RBFOX1: variants seen among roughly 807,000 people sequenced by gnomAD.
The protein encoded by RBFOX1 is RNA binding protein fox-1 homolog 1.
In RBFOX1, 8 loss-of-function variants were observed where a neutral mutation model predicts 57.7. The observed-to-expected ratio is 0.14, with a 90% CI of 0.08 to 0.25. RBFOX1 has a LOEUF of 0.25. RBFOX1 is among the 10% of genes least tolerant of loss of function. RBFOX1 has a pLI of 1.00. For missense variants in RBFOX1, 611 were observed against 548.5 expected (o/e 1.11, Z -1.14); for synonymous variants, 326 against 222.4 (o/e 1.47, Z -4.15).
chr16:7,079,416 C>T (rs2058814690), intron 4 of RBFOX1, among the ~76,000 whole-genome samples: 1 of 152,178 alleles, frequency 6.6e-6, no homozygotes. Flanking sequence ...GAAAGTTCTG[C>T]CTGAGCAGAA....
At position 7,067,396 on chromosome 16, in the gene RBFOX1, C is replaced by G. The variant is rs192539938; in HGVS notation, c.27+15298C>G. Among the ~76,000 whole-genome samples the G allele has an allele frequency of 3.0e-4, 45 of 150,952 alleles. No homozygotes were observed. The East Asian group carries it at 8.0e-3, about 27-fold the overall frequency. ...CAACAAGAATCTCACTGAAGTAAAA[C>G]TGAAATGTCGCCAAGGCTGTGTTTC... is the stretch of plus-strand genomic sequence containing the variant. On this transcript the variant is annotated intron_variant, in intron 4 of 15. Coordinates refer to ENST00000550418, the MANE Select transcript of RBFOX1 (RefSeq NM_018723.4).
At chr16:6,983,173 C>T (rs1374385146) in intron 3 of RBFOX1, among the ~76,000 whole-genome samples, 1 of 152,022 alleles carries the variant, frequency 6.6e-6, no homozygotes, top group Admixed American at 6.6e-5. Context: ...GCACACCAAG[C>T]CTCTACCCTT....
intron 12 of RBFOX1, among the ~76,000 whole-genome samples, chr16:7,654,201 T>G (rs3785222): frequency 1.3e-5 from 2 of 152,128 alleles, no homozygotes; most frequent in East Asian, 1.9e-4. Context: ...TAAATTCTCT[T>G]TGAGACTGAA....
At chr16:6,880,687 G>C (rs1283570581) in intron 3 of RBFOX1, among the ~76,000 whole-genome samples, 1 of 152,182 alleles carries the variant, frequency 6.6e-6, no homozygotes, top group Non-Finnish European at 1.5e-5. Flanking sequence ...AGAGCACTGA[G>C]CTGTATGATG....
rs183726475 is a variant in RBFOX1, at chr16:7,074,606, T to C, written c.27+22508T>C. On this transcript the variant is annotated intron_variant, in intron 4 of 15. Coordinates refer to ENST00000550418, the MANE Select transcript of RBFOX1 (RefSeq NM_018723.4). Reference sequence around the variant, plus strand: ...GAAATATCAAGCATTTAAATACATATAATTGGATTTCTGAATGGAGAGAAG... The same window carrying C: ...GAAATATCAAGCATTTAAATACATACAATTGGATTTCTGAATGGAGAGAAG... Among the ~76,000 whole-genome samples, 397 of 152,240 alleles carry C rather than the reference T, an allele frequency of 2.6e-3. 1 individual carries two copies. Among genetic ancestry groups the C allele is most frequent in the African/African-American group, 9.2e-3 (383 of 41,562 alleles).
chr16:7,268,989 A>G (rs983951720), intron 4 of RBFOX1, among the ~76,000 whole-genome samples: 4 of 143,896 alleles, frequency 2.8e-5, no homozygotes, highest in African/African-American at 5.2e-5. Flanking sequence ...GTGAGCCGAG[A>G]TCACGCCAGT....
chr16:5,682,297 G>A (rs940925120), intron 3 of RBFOX1, among the ~76,000 whole-genome samples: 2 of 152,202 alleles, frequency 1.3e-5, no homozygotes, highest in South Asian at 2.1e-4. Context: ...TTGTGGTGGG[G>A]TGGGAGTGGG....
At chr16:5,264,297 T>A (rs2062807675) in intron 1 of RBFOX1, among the ~76,000 whole-genome samples, 1 of 152,148 alleles carries the variant, frequency 6.6e-6, no homozygotes, top group Admixed American at 6.5e-5. Flanking sequence ...GATGTGAGGA[T>A]GCTGCAGTTG....
intron 2 of RBFOX1, among the ~76,000 whole-genome samples, chr16:5,581,464 A>G (rs995660142): frequency 1.3e-5 from 2 of 152,236 alleles, no homozygotes; most frequent in African/African-American, 4.8e-5. Context: ...TACACGAGTC[A>G]GTGGTGGAGG....
Position 6,019,929 on chromosome 16 carries a change from G to T in RBFOX1, c.-190G>T. The stretch of plus-strand genomic sequence containing the variant: ...GAGTGTGGCTGGGGGTGCAGAGAGC[G>T]CACGGGAATTCGGGGGTCTGGGGCC... On this transcript the variant is annotated 5_prime_UTR_variant, in exon 1 of 16. Transcript: ENST00000550418. The surrounding 1 kb of genome is among the most constrained non-coding windows in gnomAD (Gnocchi z 4.2). 1.3e-6 allele frequency: 2 copies of T among 1,534,710 alleles called. No homozygotes were observed. The highest frequency in any genetic ancestry group is 1.7e-6 in the Non-Finnish European group (2 of 1,146,328).
At chr16:5,748,328 A>G (rs996501662) in intron 3 of RBFOX1, among the ~76,000 whole-genome samples, 2 of 151,874 alleles carry the variant, frequency 1.3e-5, no homozygotes, top group Non-Finnish European at 2.9e-5. Context: ...GTGTGATGTG[A>G]TGCTGAGAAG....
chr16:5,778,592 C>T (rs368056822), intron 3 of RBFOX1, among the ~76,000 whole-genome samples: 1 of 152,218 alleles, frequency 6.6e-6, no homozygotes, highest in Non-Finnish European at 1.5e-5. Flanking sequence ...GCATGGCGTG[C>T]TGTGTCTGCC....
At chr16:6,940,646 G>A (rs1199469050) in intron 3 of RBFOX1, among the ~76,000 whole-genome samples, 6 of 152,100 alleles carry the variant, frequency 3.9e-5, no homozygotes, top group Admixed American at 6.6e-5. Context: ...CACCCAGGCT[G>A]GAGTGGAGCG....
intron 3 of RBFOX1, among the ~76,000 whole-genome samples, chr16:6,906,481 G>T (rs1215871238): frequency 3.3e-5 from 5 of 152,086 alleles, no homozygotes. Context: ...TGAAATAAGA[G>T]TGTATGCATT....
chr16:5,315,445 T>C (rs1262212191), intron 1 of RBFOX1, among the ~76,000 whole-genome samples: 1 of 152,208 alleles, frequency 6.6e-6, no homozygotes, highest in East Asian at 1.9e-4. Context: ...TTTTACTCAG[T>C]TCCTGAGTCT....
At chr16:5,436,904 CA>C (rs1311712226) in intron 1 of RBFOX1, among the ~76,000 whole-genome samples, 1 of 152,114 alleles carries the variant, frequency 6.6e-6, no homozygotes, top group African/African-American at 2.4e-5. Context: ...CATCCCAAGC[CA>C]TGTCAATATG....
rs185632141 is a variant in RBFOX1 at position 6,254,038 on chromosome 16, G to C, written c.-126-62957G>C. Among the ~76,000 whole-genome samples, 16 of 152,256 alleles carry C rather than the reference G, an allele frequency of 1.1e-4. No homozygotes were observed. In the East Asian group the frequency reaches 2.5e-3, roughly 24 times the overall value. On this transcript the variant is annotated intron_variant, in intron 1 of 15. Transcript: ENST00000550418. Reference sequence around the variant, plus strand: ...ACACCAGGGGACTTTAGCTCTCTCTGATACAGCCTGTGTGACATAATGGAA... The same window carrying C: ...ACACCAGGGGACTTTAGCTCTCTCTCATACAGCCTGTGTGACATAATGGAA...
At chr16:6,043,063 A>G (rs2095455670) in intron 1 of RBFOX1, among the ~76,000 whole-genome samples, 1 of 135,796 alleles carries the variant, frequency 7.4e-6, no homozygotes, top group East Asian at 2.4e-4. Context: ...GGTTGTGTTG[A>G]GCCGAGATCA....
chr16:6,782,165 C>G (rs1168957925), intron 3 of RBFOX1, among the ~76,000 whole-genome samples: 1 of 152,134 alleles, frequency 6.6e-6, no homozygotes, highest in Non-Finnish European at 1.5e-5. Flanking sequence ...CACCACCACA[C>G]CCAGCTAATT....
Sources: gnomAD v4.1 joint callset for allele counts (sites outside exome capture counted in the v4.1 genomes callset) on GRCh38, gnomAD v4.1.1 for gene constraint, Gnocchi (gnomAD v3.1) non-coding constraint, MANE v1.5 for transcripts, NCBI Gene and HGNC (gene_info 2026-07-23, HGNC 2026-07-21) for gene names.